The following KTN1 variants were observed in gnomAD, a reference collection of about 807,000 sequenced individuals.
KTN1 encodes the protein kinectin 1.
KTN1 carries 130 observed loss-of-function variants against 222.5 expected under a neutral mutation model. The ratio of observed to expected loss-of-function variants is 0.58; its 90% CI spans 0.51 to 0.68. KTN1 has a LOEUF of 0.68. Ranked by LOEUF, KTN1 falls within the 30% of genes least tolerant of loss-of-function variation. The pLI is 0.00. For synonymous variants in KTN1, 512 were observed against 496.3 expected (o/e 1.03, Z -0.42); for missense variants, 1,508 against 1,500.4 (o/e 1.01, Z -0.08).
chr14:55,605,193 T>C (rs1428387968), intron 1 of KTN1, among the ~76,000 whole-genome samples: 1 of 152,230 alleles, frequency 6.6e-6, no homozygotes, highest in African/African-American at 2.4e-5. Context: ...AATTGATTTA[T>C]TGTCATTAGA....
chr14:55,675,428 A>T (rs1456371018), intron 40 of KTN1: 3 of 158,954 alleles, frequency 1.9e-5, no homozygotes, highest in African/African-American at 7.2e-5. Context: ...CAGTGTTTTT[A>T]AAAATATTGT....
At chr14:55,661,142 G>GA (rs201273286) in intron 31 of KTN1, 50 of 152,308 alleles carry the variant, frequency 3.3e-4, no homozygotes, top group East Asian at 2.1e-3. Context: ...TTGCCCTCTG[G>GA]AAAAAAAAAT....
intron 1 of KTN1, among the ~76,000 whole-genome samples, chr14:55,587,993 C>G (rs1484150046): frequency 2.0e-5 from 3 of 151,992 alleles, no homozygotes; most frequent in African/African-American, 7.3e-5. Flanking sequence ...GAGCACTTTT[C>G]AAGTAAAAAA....
At chr14:55,647,052 C>T (rs1032784635) in intron 19 of KTN1, 45 bp downstream of exon 19, 1 of 1,120,754 alleles carries the variant, frequency 8.9e-7, no homozygotes, top group Non-Finnish European at 1.3e-6. Flanking sequence ...GTTACTTCTA[C>T]CAAATTAACT....
intron 18 of KTN1, among the ~76,000 whole-genome samples, chr14:55,642,506 C>T (rs573118894): frequency 6.6e-5 from 10 of 152,288 alleles, no homozygotes; most frequent in African/African-American, 2.2e-4. Flanking sequence ...CTTACAATTA[C>T]AATTTATTAA....
At position 55,656,071 on chromosome 14, in the gene KTN1, G is replaced by C. The variant is rs1397079021; in HGVS notation, c.2831G>C (p.Arg944Thr). ...AAAGAAAAGGAAAATGAATTGAAGA[G>C]GTTAGAAGCCATGCTAAAAGAGAGG... ...VLKEKENELK[R>T]LEAMLKERES... Residue 944 changes from arginine (R) to threonine (T), a missense_variant, in exon 29 of 44, where the codon AGG becomes ACG. Transcript: ENST00000395314. 6.2e-7 allele frequency: 1 copy of C among 1,610,274 alleles called. No homozygotes were observed. Among genetic ancestry groups the C allele is most frequent in the South Asian group, 1.1e-5 (1 of 90,816 alleles).
chr14:55,643,344 AGTTTAGTT>A (rs1247160921), intron 18 of KTN1, among the ~76,000 whole-genome samples: 1 of 151,976 alleles, frequency 6.6e-6, no homozygotes, highest in Non-Finnish European at 1.5e-5. Context: ...CTCTGGTTAC[AGTTTAGTT>A]GTTTAGTTGG....
At chr14:55,637,727 T>C (rs921287385) in intron 11 of KTN1, 52 bp from the exon 12 acceptor site, 7 of 1,245,570 alleles carry the variant, frequency 5.6e-6, no homozygotes, top group Non-Finnish European at 7.0e-6. Flanking sequence ...TTCATATACA[T>C]GGGGTTATTT....
intron 7 of KTN1, among the ~76,000 whole-genome samples, chr14:55,631,341 G>GAGATAGATATATAT (rs71448461): frequency 0.029 from 3,308 of 114,594 alleles, 91 homozygotes; most frequent in Middle Eastern, 0.054. Flanking sequence ...TGATAAGGTT[G>GAGATAGATATATAT]ATATATATAT....
chr14:55,601,021 C>A (rs760619829), intron 1 of KTN1, among the ~76,000 whole-genome samples: 9 of 152,044 alleles, frequency 5.9e-5, no homozygotes, highest in African/African-American at 2.2e-4. Context: ...GCAGCTATGA[C>A]CTCTGCAATT....
chr14:55,626,818 C>T (rs968937813), intron 5 of KTN1, among the ~76,000 whole-genome samples: 1 of 151,894 alleles, frequency 6.6e-6, no homozygotes, highest in Admixed American at 6.6e-5. Context: ...GCTAGTTGCT[C>T]CCTTTGAGTG....
Position 55,658,537 on chromosome 14 carries a change from TTTAA to T in KTN1, c.2893-5_2893-2del, listed in dbSNP as rs772120273. On this transcript the variant is annotated splice_polypyrimidine_tract_variant and splice_region_variant and intron_variant, in intron 29 of 43. Coordinates refer to ENST00000395314, the MANE Select transcript of KTN1 (RefSeq NM_001079521.2). Reference sequence around the variant, plus strand: ...TTTAGATACTGATGTTTAATTTTTATTTAATTAGGATGTACAAGATGAAAACAAA... The same window carrying T: ...TTTAGATACTGATGTTTAATTTTTATTTAGGATGTACAAGATGAAAACAAA... The T allele has an allele frequency of 6.6e-7, 1 of 1,515,068 alleles. No homozygotes were observed. The highest frequency in any genetic ancestry group is 9.1e-7 in the Non-Finnish European group (1 of 1,093,378). The allele number at this position is 1,515,068 out of a possible 1,614,324, so 93.9% of individuals were successfully genotyped here.
chr14:55,619,250 G>C lies in KTN1; in HGVS notation c.901G>C (p.Ala301Pro), dbSNP rs1432206456. The C allele has an allele frequency of 6.2e-7, 1 of 1,610,954 alleles. No homozygotes were observed. ...LKTMMFSEDE[A>P]LCVVDLLKEK... ...GACTATGATGTTTTCTGAAGATGAG[G>C]CTCTTTGTGTTGTAGACTTGCTAAA... is the stretch of plus-strand genomic sequence containing the variant. Residue 301 changes from alanine (A) to proline (P), a missense_variant, in exon 5 of 44, where the codon GCT becomes CCT. By Grantham distance (27) the Ala-to-Pro change is conservative (BLOSUM62 -1). Coordinates refer to ENST00000395314, the MANE Select transcript of KTN1 (RefSeq NM_001079521.2).
At chr14:55,641,831 T>A in intron 18 of KTN1, 71 bp downstream of exon 18, 3 of 949,338 alleles carry the variant, frequency 3.2e-6, no homozygotes, top group Non-Finnish European at 3.4e-6. Flanking sequence ...CTTATTTAGG[T>A]ACCAAATTAC....
Position 55,633,341 on chromosome 14 carries a change from A to C in KTN1, c.1328A>C (p.Lys443Thr), listed in dbSNP as rs1321675465. 6.5e-7 allele frequency: 1 copy of C among 1,527,258 alleles called. No individual in the cohort carries two copies. The highest frequency in any genetic ancestry group is 8.9e-7 in the Non-Finnish European group (1 of 1,126,754). The allele number at this position is 1,527,258 out of a possible 1,614,324, so 94.6% of individuals were successfully genotyped here. A position where few individuals can be genotyped will look rare whatever the true frequency, so the allele number is the denominator to read the frequency against. ...VSNTTNQLESKQSAELNKLRQ... is the reference protein window; with the variant it reads ...VSNTTNQLESTQSAELNKLRQ... ...AACACTACAAATCAACTGGAAAGCA[A>C]GTATGTTTCCAAATACCTTATTTTT... The change falls in exon 8 of 44, where the codon AAG becomes ACG. Residue 443 changes from lysine to threonine, a missense_variant and splice_region_variant. Transcript: ENST00000395314.
intron 29 of KTN1, among the ~76,000 whole-genome samples, chr14:55,656,546 C>T (rs1386947904): frequency 6.6e-6 from 1 of 151,968 alleles, no homozygotes; most frequent in Admixed American, 6.6e-5. Flanking sequence ...CTCGCTGCAA[C>T]CTCCTCCTCC....
chr14:55,647,348 T>G (rs2042465581), intron 19 of KTN1, among the ~76,000 whole-genome samples: 1 of 152,098 alleles, frequency 6.6e-6, no homozygotes. Context: ...AATAATATCA[T>G]TAACTGCTGG....
At chr14:55,649,628 T>C in intron 21 of KTN1, 148 bp from the exon 22 acceptor site, 1 of 571,432 alleles carries the variant, frequency 1.7e-6, no homozygotes, top group African/African-American at 2.0e-5. Context: ...GTCATTATTA[T>C]GACATTAAAA....
At chr14:55,673,148 C>A in intron 39 of KTN1, 24 bp from the exon 40 acceptor site, 1 of 1,596,892 alleles carries the variant, frequency 6.3e-7, no homozygotes, top group Non-Finnish European at 8.6e-7. Context: ...GGAGATCAAT[C>A]TTAAACTCTA....
Sources: gnomAD v4.1 joint callset for allele counts (sites outside exome capture counted in the v4.1 genomes callset) on GRCh38, gnomAD v4.1.1 for gene constraint, MANE v1.5 for transcripts, NCBI Gene and HGNC (gene_info 2026-07-23, HGNC 2026-07-21) for gene names.